HEMK2: variants seen among roughly 807,000 people sequenced by gnomAD.
The protein encoded by HEMK2 is HemK methyltransferase 2, ETF1 glutamine and histone H4 lysine.
chr21:28,700,151 C>G, the HEMK2 span, among the ~76,000 whole-genome samples: 4 of 152,246 alleles, frequency 2.6e-5, no homozygotes, highest in East Asian at 3.9e-4. Context: ...TAGTGACCCC[C>G]TTCCCCTCTC....
At chr21:28,723,646 C>A in the HEMK2 span, among the ~76,000 whole-genome samples, 1 of 152,136 alleles carries the variant, frequency 6.6e-6, no homozygotes, top group Non-Finnish European at 1.5e-5. Flanking sequence ...GCCACATTAC[C>A]TCTTGGAGCT....
At chr21:28,791,084 G>A in the HEMK2 span, among the ~76,000 whole-genome samples, 2 of 152,150 alleles carry the variant, frequency 1.3e-5, no homozygotes, top group African/African-American at 4.8e-5. Context: ...TGATGGATTA[G>A]GGACAGCAGG....
At chr21:28,748,089 T>A in the HEMK2 span, among the ~76,000 whole-genome samples, 83,482 of 151,976 alleles carry the variant, frequency 0.55, 25,942 homozygotes, top group African/African-American at 0.84. Context: ...ATAAAGATGG[T>A]AACGATGCTG....
chr21:28,664,931 C>A, the HEMK2 span, among the ~76,000 whole-genome samples: 2 of 152,058 alleles, frequency 1.3e-5, no homozygotes, highest in Non-Finnish European at 2.9e-5. Flanking sequence ...CACTCCTAAG[C>A]TTTTCAATTC....
the HEMK2 span, among the ~76,000 whole-genome samples, chr21:28,589,525 G>T: frequency 6.6e-6 from 1 of 152,096 alleles, no homozygotes; most frequent in Non-Finnish European, 1.5e-5. Context: ...ATGGGCATAG[G>T]GGTTAACAAT....
chr21:28,838,972 A>AAAAAAAATAAATATATATATATAT, the HEMK2 span, among the ~76,000 whole-genome samples: 1 of 29,164 alleles, frequency 3.4e-5, no homozygotes, highest in Non-Finnish European at 5.6e-5. Flanking sequence ...AAAAAAAAAA[A>AAAAAAAATAAATATATATATATAT]ATATATATAT....
At chr21:28,769,577 A>G in the HEMK2 span, among the ~76,000 whole-genome samples, 1 of 152,146 alleles carries the variant, frequency 6.6e-6, no homozygotes, top group East Asian at 1.9e-4. Flanking sequence ...GTGATATAAA[A>G]TAATCATAGA....
At chr21:28,777,390 T>C in the HEMK2 span, among the ~76,000 whole-genome samples, 2 of 152,130 alleles carry the variant, frequency 1.3e-5, no homozygotes, top group Non-Finnish European at 2.9e-5. Flanking sequence ...AGCAAGGAAG[T>C]TTCCAGAAGC....
the HEMK2 span, among the ~76,000 whole-genome samples, chr21:28,863,452 ATATATATATATATATATACTT>A: frequency 1.2e-5 from 1 of 84,272 alleles, no homozygotes; most frequent in South Asian, 3.4e-4. Context: ...ATATATATAT[ATATATATATATATATATACTT>A]CATTAGTTCT....
the HEMK2 span, among the ~76,000 whole-genome samples, chr21:28,695,532 G>A: frequency 1.3e-5 from 2 of 152,176 alleles, no homozygotes; most frequent in African/African-American, 4.8e-5. Context: ...AGGCAAGAGA[G>A]CTTGTGCAGG....
the HEMK2 span, among the ~76,000 whole-genome samples, chr21:28,663,120 G>T: frequency 2.0e-4 from 31 of 152,302 alleles, no homozygotes; most frequent in Admixed American, 1.8e-3. Flanking sequence ...ATAATCTGAT[G>T]TAAAGATATA....
At chr21:28,774,517 G>A in the HEMK2 span, among the ~76,000 whole-genome samples, 3 of 152,118 alleles carry the variant, frequency 2.0e-5, no homozygotes, top group Non-Finnish European at 4.4e-5. Flanking sequence ...GAGCCCAGGA[G>A]TTCGAGGTTA....
the HEMK2 span, among the ~76,000 whole-genome samples, chr21:28,879,085 T>C: frequency 3.1e-5 from 1 of 32,702 alleles, no homozygotes; most frequent in East Asian, 3.1e-4. Context: ...TGTTTCTTTT[T>C]TTTTTTTTTT....
chr21:28,834,884 C>T, the HEMK2 span, among the ~76,000 whole-genome samples: 1 of 152,040 alleles, frequency 6.6e-6, no homozygotes, highest in East Asian at 1.9e-4. Flanking sequence ...TCCCCTACTT[C>T]CTAGACAACC....
the HEMK2 span, among the ~76,000 whole-genome samples, chr21:28,636,722 A>G: frequency 1.3e-5 from 2 of 152,214 alleles, no homozygotes; most frequent in South Asian, 2.1e-4. Context: ...TTAGAATGAC[A>G]GTACATGCAT....
the HEMK2 span, among the ~76,000 whole-genome samples, chr21:28,580,768 C>T: frequency 6.6e-6 from 1 of 152,244 alleles, no homozygotes; most frequent in South Asian, 2.1e-4. Flanking sequence ...CACTTATTGT[C>T]TCCCCTGCCC....
At chr21:28,843,792 T>C in the HEMK2 span, among the ~76,000 whole-genome samples, 1 of 152,130 alleles carries the variant, frequency 6.6e-6, no homozygotes, top group African/African-American at 2.4e-5. Flanking sequence ...GAACAGTATT[T>C]TACATGCCAT....
chr21:28,677,406 G>A, the HEMK2 span, among the ~76,000 whole-genome samples: 10 of 152,296 alleles, frequency 6.6e-5, no homozygotes, highest in East Asian at 5.8e-4. Flanking sequence ...TGGGAAGCTC[G>A]AACTGGGTGG....
the HEMK2 span, among the ~76,000 whole-genome samples, chr21:28,754,435 AT>A: frequency 6.6e-6 from 1 of 152,216 alleles, no homozygotes. Context: ...AAGGCCAGGA[AT>A]TTGGCAGAGT....
Sources: gnomAD v4.1 joint callset for allele counts (sites outside exome capture counted in the v4.1 genomes callset) on GRCh38, gnomAD v4.1.1 for gene constraint, MANE v1.5 for transcripts, NCBI Gene and HGNC (gene_info 2026-07-23, HGNC 2026-07-21) for gene names.